The following LRRC71 variants were observed in gnomAD, a reference collection of about 807,000 sequenced individuals.
The protein encoded by LRRC71 is leucine-rich repeat-containing protein 71.
A neutral mutation model predicts 66.6 loss-of-function variants in LRRC71; 54 were observed. The ratio of observed to expected loss-of-function variants is 0.81; its 90% CI spans 0.65 to 1.02. LRRC71 has a LOEUF of 1.02. LRRC71 is among the 50% of genes least tolerant of loss of function. The pLI is 0.00. For synonymous variants in LRRC71, 323 were observed against 303.9 expected (o/e 1.06, Z -0.65); for missense variants, 724 against 718.0 (o/e 1.01, Z -0.10).
intron 6 of LRRC71, 53 bp from the exon 7 acceptor site, chr1:156,927,443 C>A: frequency 6.6e-7 from 1 of 1,520,548 alleles, no homozygotes; most frequent in East Asian, 2.3e-5. Flanking sequence ...CATATTCCGG[C>A]GGACGCCCTG....
the LRRC71 span, chr1:156,939,959 C>T: frequency 3.4e-5 from 54 of 1,582,798 alleles, no homozygotes; most frequent in East Asian, 1.8e-4. Flanking sequence ...CTGCACACCA[C>T]GCCAGAAGGA....
At chr1:156,936,238 G>A (rs373498407), downstream of LRRC71, 16 of 782,282 alleles carry the variant, frequency 2.0e-5, no homozygotes, top group East Asian at 2.5e-4. Flanking sequence ...TTTCATCAGC[G>A]CCTAAAGCCC....
downstream of LRRC71, chr1:156,936,009 T>G (rs921098938): frequency 1.9e-6 from 3 of 1,613,364 alleles, no homozygotes; most frequent in Non-Finnish European, 2.5e-6. Context: ...GTTATGGTCC[T>G]GGTGACGCGG....
the LRRC71 span, chr1:156,940,107 G>T: frequency 1.6e-5 from 23 of 1,437,020 alleles, no homozygotes; most frequent in Non-Finnish European, 2.2e-5. Flanking sequence ...AGCACACCAG[G>T]AAGAGCCTTC....
the LRRC71 span, chr1:156,940,442 A>C: frequency 2.5e-6 from 4 of 1,588,260 alleles, no homozygotes. Context: ...CGGATGAGAG[A>C]AGATTGTAAG....
chr1:156,936,002 A>ATGG, downstream of LRRC71: 1 of 1,613,200 alleles, frequency 6.2e-7, no homozygotes, highest in Non-Finnish European at 8.5e-7. Context: ...TTGTACGGTT[A>ATGG]TGGTCCTGGT....
chr1:156,925,055 G>C lies in LRRC71; in HGVS notation c.593+40G>C, dbSNP rs928580188. 5.2e-6 allele frequency: 8 copies of C among 1,546,214 alleles called. No individual in the cohort carries two copies. The South Asian group carries it at 9.5e-5, about 18-fold the overall frequency. ...AGGCCCCCTGTGCCTGGGAAGCCTG[G>C]CTGGGCGGGTGGTCAGAGGGGAGCA... On this transcript the variant is annotated intron_variant, in intron 5 of 14. Transcript: ENST00000337428.
downstream of LRRC71, chr1:156,936,168 TCTC>T (rs747866385): frequency 3.5e-6 from 4 of 1,144,822 alleles, no homozygotes; most frequent in Middle Eastern, 1.9e-4. Context: ...TCACCTTCCT[TCTC>T]CTCCAGAAAC....
the LRRC71 span, among the ~76,000 whole-genome samples, chr1:156,940,822 C>T: frequency 1.1e-3 from 164 of 152,140 alleles, no homozygotes; most frequent in African/African-American, 3.8e-3. Flanking sequence ...GGAGGTGTGG[C>T]GTTAGGAGGA....
chr1:156,933,003 G>A lies in LRRC71; in HGVS notation c.*34G>A. 3 of 1,493,274 alleles carry A rather than the reference G, an allele frequency of 2.0e-6. No individual in the cohort carries two copies. The highest frequency in any genetic ancestry group is 2.7e-6 in the Non-Finnish European group (3 of 1,096,414). The allele number at this position is 1,493,274 out of a possible 1,614,324, so 92.5% of individuals were successfully genotyped here. The stretch of plus-strand genomic sequence containing the variant: ...CACCTGCTTGCCTCTAAGACTCGGG[G>A]CTACAGAAGCACCTCCTGTCCCTGT... On this transcript the variant is annotated 3_prime_UTR_variant, in exon 15 of 15. Coordinates refer to ENST00000337428, the MANE Select transcript of LRRC71 (RefSeq NM_144702.3).
chr1:156,936,526 A>ATATATATATATATATAT (rs1655356160), downstream of LRRC71, among the ~76,000 whole-genome samples: 1 of 132,366 alleles, frequency 7.6e-6, no homozygotes, highest in African/African-American at 2.9e-5. Flanking sequence ...ATATATATAT[A>ATATATATATATATATAT]AAATTAAAAA....
chr1:156,927,101 A>G (rs1046560480), intron 5 of LRRC71, 101 bp from the exon 6 acceptor site: 9 of 999,566 alleles, frequency 9.0e-6, no homozygotes, highest in Non-Finnish European at 1.4e-5. Context: ...CTTTGACTCT[A>G]CTTCCTAGCT....
chr1:156,922,616 G>A (rs1239890728), intron 1 of LRRC71, among the ~76,000 whole-genome samples: 2 of 152,194 alleles, frequency 1.3e-5, no homozygotes, highest in Non-Finnish European at 2.9e-5. Context: ...CTAAAGTGCA[G>A]AGAGCCCATT....
intron 14 of LRRC71, 72 bp from the exon 15 acceptor site, chr1:156,932,781 C>CT (rs1654581394): frequency 1.5e-6 from 2 of 1,346,080 alleles, no homozygotes; most frequent in Admixed American, 2.0e-5. Context: ...GCCCCAGGAC[C>CT]ATTTTTTTTT....
downstream of LRRC71, chr1:156,936,048 G>A: frequency 6.2e-7 from 1 of 1,614,016 alleles, no homozygotes; most frequent in East Asian, 2.2e-5. Context: ...CTTCCAGGGG[G>A]GCGTCAGAGC....
intron 11 of LRRC71, 41 bp from the exon 12 acceptor site, chr1:156,930,488 G>C (rs1422971763): frequency 6.6e-6 from 10 of 1,516,482 alleles, no homozygotes; most frequent in Admixed American, 5.9e-5. Flanking sequence ...GGTGGTATCA[G>C]AAGTGTGCAC....
intron 13 of LRRC71, 55 bp from the exon 14 acceptor site, chr1:156,932,369 A>G: frequency 1.4e-6 from 2 of 1,406,560 alleles, no homozygotes; most frequent in South Asian, 2.4e-5. Context: ...CTGGTGTGTC[A>G]GGTGCCAATG....
intron 11 of LRRC71, among the ~76,000 whole-genome samples, chr1:156,930,315 A>G (rs1202992219): frequency 6.7e-6 from 1 of 149,448 alleles, no homozygotes; most frequent in African/African-American, 2.5e-5. Flanking sequence ...CTGGTTGCGA[A>G]CTCCTGACCT....
intron 10 of LRRC71, 45 bp from the exon 11 acceptor site, chr1:156,929,591 C>T: frequency 1.9e-6 from 3 of 1,551,752 alleles, no homozygotes; most frequent in Non-Finnish European, 2.6e-6. Context: ...CTGCCCATCC[C>T]CTCCGGAGGT....
Sources: allele counts gnomAD v4.1 joint callset (sites outside exome capture counted in the v4.1 genomes callset), GRCh38; gene constraint gnomAD v4.1.1; transcripts MANE v1.5; gene names NCBI Gene and HGNC (gene_info 2026-07-23, HGNC 2026-07-21).